The following SLC14A2 variants were observed in gnomAD, a reference collection of about 807,000 sequenced individuals.
SLC14A2 encodes urea transporter 2.
SLC14A2 carries 91 observed loss-of-function variants against 104.6 expected under a neutral mutation model. The observed-to-expected ratio is 0.87, with a 90% CI of 0.73 to 1.04. The LOEUF (loss-of-function observed/expected upper bound fraction) is 1.04. Ranked by LOEUF, SLC14A2 falls within the 50% of genes least tolerant of loss-of-function variation. The pLI is 0.00. For missense variants in SLC14A2, 1,189 were observed against 1,156.0 expected (o/e 1.03, Z -0.41); for synonymous variants, 476 against 466.4 (o/e 1.02, Z -0.27).
At chr18:45,439,507 T>C (rs1354335435) in intron 1 of SLC14A2, among the ~76,000 whole-genome samples, 1 of 152,196 alleles carries the variant, frequency 6.6e-6, no homozygotes, top group African/African-American at 2.4e-5. Context: ...ACATCTACAA[T>C]ATGTTTGGCA....
intron 1 of SLC14A2, among the ~76,000 whole-genome samples, chr18:45,458,325 C>T (rs117918595): frequency 1.6e-3 from 244 of 150,834 alleles, no homozygotes; most frequent in Non-Finnish European, 2.9e-3. Flanking sequence ...GGTCAAGGAC[C>T]AGTGATTTGT....
At chr18:45,561,541 G>A (rs1826280272) in intron 2 of SLC14A2, among the ~76,000 whole-genome samples, 1 of 152,142 alleles carries the variant, frequency 6.6e-6, no homozygotes, top group African/African-American at 2.4e-5. Flanking sequence ...TGGCTATCAT[G>A]CCTGACTCTA....
intron 2 of SLC14A2, among the ~76,000 whole-genome samples, chr18:45,584,586 C>T (rs552253066): frequency 2.6e-5 from 4 of 152,310 alleles, no homozygotes; most frequent in South Asian, 4.1e-4. Flanking sequence ...TTCAGAAATG[C>T]ACCTGTTGAT....
At chr18:45,176,074 A>G in the SLC14A2 span, among the ~76,000 whole-genome samples, 5 of 151,936 alleles carry the variant, frequency 3.3e-5, no homozygotes, top group African/African-American at 1.2e-4. Flanking sequence ...CAGACTGCCA[A>G]GGAGGCTCTA....
intron 1 of SLC14A2, among the ~76,000 whole-genome samples, chr18:45,472,583 T>C (rs1361721861): frequency 6.6e-6 from 1 of 152,162 alleles, no homozygotes; most frequent in Non-Finnish European, 1.5e-5. Flanking sequence ...TGGTGTGAGA[T>C]GGTATCGCAT....
chr18:45,375,644 C>T (rs927621027), intron 1 of SLC14A2, among the ~76,000 whole-genome samples: 31 of 152,178 alleles, frequency 2.0e-4, no homozygotes, highest in Admixed American at 1.8e-3. Context: ...ATTGCAATTC[C>T]CCTGTTTTAA....
At chr18:45,522,347 A>G (rs981164204) in intron 2 of SLC14A2, among the ~76,000 whole-genome samples, 1 of 152,200 alleles carries the variant, frequency 6.6e-6, no homozygotes, top group African/African-American at 2.4e-5. Flanking sequence ...TCCAGCTTGC[A>G]GTAATAAACT....
chr18:45,569,740 G>A (rs1375412947), intron 2 of SLC14A2, among the ~76,000 whole-genome samples: 1 of 152,174 alleles, frequency 6.6e-6, no homozygotes, highest in Non-Finnish European at 1.5e-5. Flanking sequence ...CCAAGAGTGT[G>A]AGTCCACACC....
At chr18:45,573,916 CATATG>C (rs1296231836) in intron 2 of SLC14A2, among the ~76,000 whole-genome samples, 4 of 152,146 alleles carry the variant, frequency 2.6e-5, no homozygotes, top group African/African-American at 4.8e-5. Context: ...GTAGAAATGA[CATATG>C]ATATAGATGT....
intron 2 of SLC14A2, among the ~76,000 whole-genome samples, chr18:45,501,082 A>C (rs2043190492): frequency 6.6e-6 from 1 of 152,226 alleles, no homozygotes; most frequent in African/African-American, 2.4e-5. Context: ...AGTTCACTCA[A>C]CAGTGACCTC....
chr18:45,569,896 C>T (rs2044322058), intron 2 of SLC14A2, among the ~76,000 whole-genome samples: 1 of 152,130 alleles, frequency 6.6e-6, no homozygotes, highest in African/African-American at 2.4e-5. Context: ...CAGCCTACCC[C>T]CCTTCATTCT....
chr18:45,535,452 G>A (rs755667612), intron 2 of SLC14A2, among the ~76,000 whole-genome samples: 12 of 152,156 alleles, frequency 7.9e-5, no homozygotes, highest in South Asian at 2.1e-4. Context: ...ACTCCGTAGC[G>A]TTCTTATTGA....
intron 19 of SLC14A2, among the ~76,000 whole-genome samples, chr18:45,680,461 C>T (rs1456876365): frequency 6.6e-6 from 1 of 152,154 alleles, no homozygotes; most frequent in Non-Finnish European, 1.5e-5. Flanking sequence ...AGGCTATTAA[C>T]TCACTTTAAA....
At chr18:45,643,283 G>T in intron 9 of SLC14A2, 102 bp downstream of exon 9, 1 of 1,009,046 alleles carries the variant, frequency 9.9e-7, no homozygotes, top group Non-Finnish European at 1.6e-6. Flanking sequence ...AGCGGGTAAT[G>T]GTAGCTGGTG....
intron 2 of SLC14A2, chr18:45,529,597 T>C (rs1269736645): frequency 1.3e-5 from 2 of 152,222 alleles, no homozygotes; most frequent in Non-Finnish European, 2.9e-5. Context: ...TCCCCAGTTT[T>C]TTCCACCCTC....
intron 2 of SLC14A2, among the ~76,000 whole-genome samples, chr18:45,559,959 C>T (rs998059475): frequency 3.3e-5 from 5 of 152,200 alleles, no homozygotes; most frequent in Admixed American, 2.6e-4. Context: ...GGGATCACCA[C>T]ATCAAGGTCA....
chr18:45,397,018 A>C (rs1290745416), intron 1 of SLC14A2, among the ~76,000 whole-genome samples: 2 of 152,190 alleles, frequency 1.3e-5, no homozygotes, highest in Non-Finnish European at 2.9e-5. Context: ...ATGGTGACAT[A>C]GTATTCCTTG....
intron 1 of SLC14A2, among the ~76,000 whole-genome samples, chr18:45,322,036 C>G (rs7237237): frequency 1.3e-5 from 2 of 152,012 alleles, no homozygotes; most frequent in African/African-American, 4.8e-5. Context: ...CTGTCAGTGA[C>G]GTTTTTGATG....
chr18:45,621,829 A>C (rs2045175946), intron 1 of SLC14A2, among the ~76,000 whole-genome samples: 1 of 152,204 alleles, frequency 6.6e-6, no homozygotes, highest in Non-Finnish European at 1.5e-5. Context: ...GCGAGGGTTT[A>C]TTTAGCAAGT....
Sources: allele counts gnomAD v4.1 joint callset (sites outside exome capture counted in the v4.1 genomes callset), GRCh38; gene constraint gnomAD v4.1.1; transcripts MANE v1.5; gene names NCBI Gene and HGNC (gene_info 2026-07-23, HGNC 2026-07-21).